The following EYS variants were observed in gnomAD, a reference collection of about 807,000 sequenced individuals.
EYS encodes protein eyes shut homolog.
EYS carries 250 observed loss-of-function variants against 282.1 expected under a neutral mutation model. That is an observed-to-expected ratio of 0.89 (90% CI 0.80 to 0.98). The LOEUF (loss-of-function observed/expected upper bound fraction) is 0.98. Ranked by LOEUF, EYS falls within the 50% of genes least tolerant of loss-of-function variation. The pLI is 0.00. For synonymous variants in EYS, 1,355 were observed against 1,282.9 expected, an observed-to-expected ratio of 1.06 and a Z score of -1.20; for missense variants, 4,016 against 3,709.0, an observed-to-expected ratio of 1.08 and a Z score of -2.15.
Position 64,958,628 on chromosome 6 carries a change from G to A in EYS, c.2260-12714C>T, listed in dbSNP as rs1307607737. On this transcript the variant is annotated intron_variant, in intron 14 of 42. Transcript: ENST00000503581. The stretch of plus-strand genomic sequence containing the variant: ...CGGGCGCCTGTAGTCCCAGCTACTC[G>A]GGAGGCTGAGGCAGGAGGATGGTGT... Among the ~76,000 whole-genome samples the A allele has an allele frequency of 4.7e-5, 7 of 149,404 alleles. No homozygotes were observed. The South Asian group carries it at 1.1e-3, about 23-fold the overall frequency.
intron 35 of EYS, among the ~76,000 whole-genome samples, chr6:63,887,139 C>A (rs576208317): frequency 2.0e-5 from 3 of 151,982 alleles, no homozygotes; most frequent in Non-Finnish European, 1.5e-5. Context: ...GGCATAAGCA[C>A]CAGTTAGATA....
intron 22 of EYS, among the ~76,000 whole-genome samples, chr6:64,763,655 A>G (rs1369265013): frequency 6.6e-6 from 1 of 152,142 alleles, no homozygotes; most frequent in Non-Finnish European, 1.5e-5. Flanking sequence ...ACAGTCCCCC[A>G]ATCTTAACTT....
At chr6:64,033,464 C>T (rs551252296) in intron 33 of EYS, among the ~76,000 whole-genome samples, 1 of 152,008 alleles carries the variant, frequency 6.6e-6, no homozygotes, top group African/African-American at 2.4e-5. Flanking sequence ...CATCTCTGAA[C>T]CTGAAAAAGA....
At chr6:64,602,181 T>G (rs1766782271) in intron 24 of EYS, among the ~76,000 whole-genome samples, 1 of 152,074 alleles carries the variant, frequency 6.6e-6, no homozygotes, top group Non-Finnish European at 1.5e-5. Context: ...TAGAAGCCTA[T>G]CTCCATTCCA....
chr6:64,926,861 C>T (rs977661302), intron 15 of EYS, among the ~76,000 whole-genome samples: 16 of 152,080 alleles, frequency 1.1e-4, no homozygotes, highest in Non-Finnish European at 2.1e-4. Context: ...AATTCCTATA[C>T]CAAGACATAC....
intron 22 of EYS, among the ~76,000 whole-genome samples, chr6:64,777,592 G>A (rs989965935): frequency 8.5e-5 from 13 of 152,172 alleles, no homozygotes; most frequent in South Asian, 4.1e-4. Flanking sequence ...TTCCTAATGA[G>A]ATCACAGCAA....
intron 10 of EYS, among the ~76,000 whole-genome samples, chr6:65,336,455 G>GTA (rs1769993173): frequency 6.6e-6 from 1 of 151,440 alleles, no homozygotes; most frequent in Non-Finnish European, 1.5e-5. Flanking sequence ...ATATATGTAT[G>GTA]TATATATATG....
At chr6:63,891,847 A>C (rs897081739) in intron 35 of EYS, among the ~76,000 whole-genome samples, 5 of 152,254 alleles carry the variant, frequency 3.3e-5, no homozygotes, top group Non-Finnish European at 5.9e-5. Context: ...GTCTCAGCCC[A>C]AAATCTCCTT....
At chr6:64,232,343 CT>C (rs201319130) in intron 30 of EYS, among the ~76,000 whole-genome samples, 39 of 71,018 alleles carry the variant, frequency 5.5e-4, no homozygotes, top group African/African-American at 1.6e-3. Flanking sequence ...AATTTTGAAT[CT>C]TTTTTTTTGT....
intron 35 of EYS, among the ~76,000 whole-genome samples, chr6:63,896,528 A>T (rs528620377): frequency 6.6e-6 from 1 of 152,338 alleles, no homozygotes; most frequent in Non-Finnish European, 1.5e-5. Flanking sequence ...AGAGCGGTAC[A>T]TGGGTTACAA....
intron 22 of EYS, among the ~76,000 whole-genome samples, chr6:64,793,120 C>T (rs1243381370): frequency 6.6e-6 from 1 of 151,932 alleles, no homozygotes; most frequent in Non-Finnish European, 1.5e-5. Flanking sequence ...AAGCCACCTC[C>T]TAGTACTATT....
At chr6:64,999,536 G>A (rs143042577) in intron 13 of EYS, among the ~76,000 whole-genome samples, 6 of 152,250 alleles carry the variant, frequency 3.9e-5, no homozygotes, top group East Asian at 3.9e-4. Context: ...ACGTGAGGAC[G>A]GCACTCCTGC....
chr6:65,141,117 A>G lies in EYS; in HGVS notation c.2024-83390T>C, dbSNP rs1237350162. Among the ~76,000 whole-genome samples the G allele has an allele frequency of 2.6e-5, 4 of 151,922 alleles. No homozygotes were observed. In the East Asian group the frequency reaches 7.8e-4, roughly 29 times the overall value. ...CAAATGTCCAACAATGATAGACTGG[A>G]TTAAGAAAATGTGGCACATATACAC... On this transcript the variant is annotated intron_variant, in intron 12 of 42. Coordinates refer to ENST00000503581, the MANE Select transcript of EYS (RefSeq NM_001142800.2).
chr6:64,131,596 A>G (rs1325263336), intron 31 of EYS, among the ~76,000 whole-genome samples: 1 of 152,020 alleles, frequency 6.6e-6, no homozygotes, highest in Non-Finnish European at 1.5e-5. Context: ...GAATATGAGT[A>G]CCTTAGGAAC....
chr6:64,781,767 C>T (rs1180446976), intron 22 of EYS, among the ~76,000 whole-genome samples: 1 of 152,062 alleles, frequency 6.6e-6, no homozygotes, highest in African/African-American at 2.4e-5. Flanking sequence ...CTACAAGCCC[C>T]ACTACCCCCA....
chr6:64,945,989 C>T (rs907479377), intron 14 of EYS, 75 bp from the exon 15 acceptor site: 2 of 1,138,278 alleles, frequency 1.8e-6, no homozygotes, highest in East Asian at 2.8e-5. Flanking sequence ...TTACTCCTGG[C>T]CATTTTGATA....
intron 33 of EYS, among the ~76,000 whole-genome samples, chr6:64,045,019 T>C (rs866663855): frequency 2.8e-4 from 42 of 152,280 alleles, no homozygotes; most frequent in African/African-American, 9.9e-4. Context: ...GATTGTCTCA[T>C]TGTAATCAAT....
rs1045352734 is a variant in EYS at position 64,856,288 on chromosome 6, CA to C, written c.2992+30408del. Among the ~76,000 whole-genome samples the C allele has an allele frequency of 3.2e-4, 49 of 151,982 alleles. 1 individual carries two copies. The highest frequency in any genetic ancestry group is 1.2e-3 in the African/African-American group (48 of 41,464). On this transcript the variant is annotated intron_variant, in intron 19 of 42. Coordinates refer to ENST00000503581, the MANE Select transcript of EYS (RefSeq NM_001142800.2). ...GCCAGCATTTGGTATCATTTGGTAT[CA>C]AAAAAATATCATTGGTATTTTTTTT...
chr6:63,941,051 T>A (rs1390056891), intron 35 of EYS, among the ~76,000 whole-genome samples: 1 of 152,162 alleles, frequency 6.6e-6, no homozygotes, highest in Non-Finnish European at 1.5e-5. Flanking sequence ...CCATGGTGTA[T>A]ATGAGCCACA....
Sources: allele counts gnomAD v4.1 joint callset (sites outside exome capture counted in the v4.1 genomes callset), GRCh38; gene constraint gnomAD v4.1.1; transcripts MANE v1.5; gene names NCBI Gene and HGNC (gene_info 2026-07-23, HGNC 2026-07-21).